The following TMPRSS15 variants were observed in gnomAD, a reference collection of about 807,000 sequenced individuals.
TMPRSS15 encodes the protein transmembrane serine protease 15, also known as enteropeptidase.
Under a neutral mutation model 125.3 loss-of-function variants are expected in TMPRSS15, and 128 were observed. That is an observed-to-expected ratio of 1.02 (90% CI 0.89 to 1.18). The LOEUF (loss-of-function observed/expected upper bound fraction) is 1.18. Among genes scored for constraint, TMPRSS15 ranks in the 50% most tolerant of loss-of-function variants. The pLI is 0.00. For synonymous variants in TMPRSS15, 446 were observed against 423.2 expected, an observed-to-expected ratio of 1.05 and a Z score of -0.66; for missense variants, 1,283 against 1,212.7, an observed-to-expected ratio of 1.06 and a Z score of -0.86.
intron 1 of TMPRSS15, among the ~76,000 whole-genome samples, chr21:18,471,511 G>C (rs1376407548): frequency 1.3e-5 from 2 of 150,772 alleles, no homozygotes; most frequent in East Asian, 1.9e-4. Flanking sequence ...TGTTTTTCCT[G>C]GTTCCTAAAG....
chr21:18,389,258 TAAGG>T (rs530149218), intron 3 of TMPRSS15, among the ~76,000 whole-genome samples: 23 of 150,258 alleles, frequency 1.5e-4, no homozygotes, highest in East Asian at 5.9e-4. Flanking sequence ...AGAAGTAAAT[TAAGG>T]AAGGAAGGAA....
At chr21:18,344,946 T>C (rs1287625187) in intron 10 of TMPRSS15, among the ~76,000 whole-genome samples, 4 of 152,218 alleles carry the variant, frequency 2.6e-5, no homozygotes, top group African/African-American at 7.2e-5. Flanking sequence ...ATCTTCTCTC[T>C]TGTGCTTTGC....
intron 3 of TMPRSS15, among the ~76,000 whole-genome samples, chr21:18,394,246 A>G (rs1314092836): frequency 1.3e-5 from 2 of 152,174 alleles, no homozygotes; most frequent in African/African-American, 4.8e-5. Flanking sequence ...TGTATTTCAA[A>G]GCATGCTGTA....
chr21:18,315,781 C>T (rs2075159147), intron 16 of TMPRSS15, among the ~76,000 whole-genome samples: 1 of 144,866 alleles, frequency 6.9e-6, no homozygotes, highest in Non-Finnish European at 1.5e-5. Flanking sequence ...CAACATGGCA[C>T]ATGTATACAC....
chr21:18,307,406 T>A (rs1452719774), intron 18 of TMPRSS15, among the ~76,000 whole-genome samples: 1 of 152,166 alleles, frequency 6.6e-6, no homozygotes, highest in Non-Finnish European at 1.5e-5. Context: ...GAGTAAAATC[T>A]GGCTGGGGAA....
intron 1 of TMPRSS15, among the ~76,000 whole-genome samples, chr21:18,419,144 G>T (rs909905287): frequency 6.6e-6 from 1 of 151,384 alleles, no homozygotes; most frequent in Non-Finnish European, 1.5e-5. Context: ...GTCACTTACC[G>T]ATTAAAACTT....
chr21:18,365,566 CTCTCTCTT>C (rs1410246791), intron 6 of TMPRSS15, among the ~76,000 whole-genome samples: 2 of 86,660 alleles, frequency 2.3e-5, no homozygotes, highest in Non-Finnish European at 4.4e-5. Flanking sequence ...CTCTTTCTTT[CTCTCTCTT>C]TCTCTCTTTT....
intron 6 of TMPRSS15, among the ~76,000 whole-genome samples, chr21:18,371,860 A>T (rs1286598513): frequency 6.6e-6 from 1 of 152,116 alleles, no homozygotes; most frequent in African/African-American, 2.4e-5. Flanking sequence ...TTAGTTTAAT[A>T]TAGAGAAGAG....
In TMPRSS15 at chr21:18,341,310, A is replaced by G. The variant is rs539324683; in HGVS notation, c.1564+103T>C. On this transcript the variant is annotated intron_variant, in intron 13 of 24. Coordinates refer to ENST00000284885, the MANE Select transcript of TMPRSS15 (RefSeq NM_002772.3). ...GGTCTCAAACTCCTGGCTTCAAGCA[A>G]TCCTCCTGCTTCAGCCTCCCGAAGT... is the stretch of plus-strand genomic sequence containing the variant. 1.3e-3 allele frequency: 1,870 copies of G among 1,431,320 alleles called. 6 individuals carry two copies. The highest frequency in any genetic ancestry group is 5.0e-3 in the Middle Eastern group (28 of 5,638). The allele number at this position is 1,431,320 out of a possible 1,614,324, so 88.7% of individuals were successfully genotyped here. A position where few individuals can be genotyped will look rare whatever the true frequency, so the allele number is the denominator to read the frequency against.
intron 3 of TMPRSS15, among the ~76,000 whole-genome samples, chr21:18,388,929 T>C (rs1259904567): frequency 6.6e-6 from 1 of 152,068 alleles, no homozygotes; most frequent in Non-Finnish European, 1.5e-5. Flanking sequence ...TAAGAGATTA[T>C]ACACTCTGGA....
At chr21:18,427,200 T>G (rs962701503) in intron 1 of TMPRSS15, among the ~76,000 whole-genome samples, 4 of 152,238 alleles carry the variant, frequency 2.6e-5, no homozygotes, top group African/African-American at 9.6e-5. Context: ...CATTTGTGTC[T>G]GTCTGAAGCA....
chr21:18,282,439 C>A (rs2074712540), intron 21 of TMPRSS15, among the ~76,000 whole-genome samples: 1 of 152,162 alleles, frequency 6.6e-6, no homozygotes, highest in East Asian at 1.9e-4. Flanking sequence ...TCGCAAATGC[C>A]TCGTTTAATG....
At chr21:18,398,534 C>A (rs573370995) in intron 1 of TMPRSS15, among the ~76,000 whole-genome samples, 1 of 152,064 alleles carries the variant, frequency 6.6e-6, no homozygotes. Context: ...GGAAACTAAA[C>A]CTTTTCTCCA....
intron 18 of TMPRSS15, among the ~76,000 whole-genome samples, chr21:18,309,094 T>C (rs1409144725): frequency 2.0e-5 from 3 of 152,140 alleles, no homozygotes; most frequent in Non-Finnish European, 4.4e-5. Context: ...TTATAATCCT[T>C]TGGGTATATA....
chr21:18,319,914 C>CCTA (rs1241978367), intron 16 of TMPRSS15, among the ~76,000 whole-genome samples: 1 of 152,138 alleles, frequency 6.6e-6, no homozygotes, highest in Non-Finnish European at 1.5e-5. Context: ...CATCTGAAAT[C>CCTA]TAAGTTACCT....
chr21:18,341,277 C>T (rs2075442832), intron 13 of TMPRSS15, 136 bp downstream of exon 13: 2 of 1,042,532 alleles, frequency 1.9e-6, no homozygotes, highest in Non-Finnish European at 2.9e-6. Context: ...CGCTGTAATC[C>T]TCAGGCTGGT....
intron 10 of TMPRSS15, among the ~76,000 whole-genome samples, chr21:18,346,448 A>G (rs2075509915): frequency 6.6e-6 from 1 of 152,218 alleles, no homozygotes; most frequent in Admixed American, 6.5e-5. Flanking sequence ...TATTTACAAT[A>G]TAACATATTT....
At chr21:18,365,652 T>TTCCTTCCC (rs1309476976) in intron 6 of TMPRSS15, among the ~76,000 whole-genome samples, 1 of 103,948 alleles carries the variant, frequency 9.6e-6, no homozygotes, top group Non-Finnish European at 1.9e-5. Context: ...TTTTCCTCCC[T>TTCCTTCCC]TCCTTCCTTC....
Position 18,326,427 on chromosome 21 carries a change from C to G in TMPRSS15, c.1921+5G>C. On this transcript the variant is annotated splice_donor_5th_base_variant and intron_variant, in intron 16 of 24. Transcript: ENST00000284885. ...TGATGCAATGTGTGATTTATGGGCT[C>G]CTACCTGGAATCCCCAAGTGATAGC... 1 of 1,614,082 alleles carries G rather than the reference C, an allele frequency of 6.2e-7. No individual in the cohort carries two copies.
Sources: allele counts gnomAD v4.1 joint callset (sites outside exome capture counted in the v4.1 genomes callset), GRCh38; gene constraint gnomAD v4.1.1; transcripts MANE v1.5; gene names NCBI Gene and HGNC (gene_info 2026-07-23, HGNC 2026-07-21).